The following SPTSSA variants were observed in gnomAD, a reference collection of about 807,000 sequenced individuals.
SPTSSA encodes serine palmitoyltransferase small subunit A.
A neutral mutation model predicts 9.1 loss-of-function variants in SPTSSA; 8 were observed. The observed-to-expected ratio is 0.88, with a 90% CI of 0.51 to 1.58. The LOEUF (loss-of-function observed/expected upper bound fraction) is 1.58, where lower values mean the gene tolerates loss of function less well. SPTSSA is among the 40% of genes most tolerant of loss of function. The pLI, the probability that SPTSSA is intolerant of heterozygous loss-of-function variation, is 0.00. For missense variants in SPTSSA, 100 were observed against 93.8 expected (o/e 1.07, Z -0.27); for synonymous variants, 42 against 37.7 (o/e 1.11, Z -0.41).
At chr14:34,451,550 C>T (rs565318634) in intron 1 of SPTSSA, among the ~76,000 whole-genome samples, 32 of 151,870 alleles carry the variant, frequency 2.1e-4, no homozygotes, top group African/African-American at 6.8e-4. Flanking sequence ...GGTGAAACCC[C>T]GTCTCTACTA....
In SPTSSA at chr14:34,435,436, A is replaced by G. The variant is rs1883225048; in HGVS notation, c.113-132T>C. On this transcript the variant is annotated intron_variant, in intron 1 of 1. Transcript: ENST00000298130. ...TCTCATTTATATCAAGCACTGATAA[A>G]AAAAACAACAAGAATGATAATACTA... 7 of 556,412 alleles carry G rather than the reference A, an allele frequency of 1.3e-5. No homozygotes were observed. The South Asian group carries it at 1.7e-4, about 13-fold the overall frequency. The allele number at this position is 556,412 out of a possible 1,614,324, so 34.5% of individuals were successfully genotyped here.
intron 1 of SPTSSA, among the ~76,000 whole-genome samples, chr14:34,442,487 G>A (rs1196621440): frequency 6.6e-6 from 1 of 152,214 alleles, no homozygotes; most frequent in Non-Finnish European, 1.5e-5. Flanking sequence ...GACCCCACAG[G>A]AGGTTGCTCC....
chr14:34,434,189 T>C lies in SPTSSA; in HGVS notation c.*1012A>G, dbSNP rs1288667934. 1 of 152,406 alleles carries C rather than the reference T, an allele frequency of 6.6e-6. No homozygotes were observed. Among genetic ancestry groups the C allele is most frequent in the African/African-American group, 2.4e-5 (1 of 41,398 alleles). 9.4% of individuals were successfully genotyped at this position (152,406 alleles called of 1,614,324 possible). On this transcript the variant is annotated 3_prime_UTR_variant, in exon 2 of 2. Coordinates refer to ENST00000298130, the MANE Select transcript of SPTSSA (RefSeq NM_138288.4). ...ATTTTTTTTCTCTTTGAATTTAATG[T>C]ATTTACATCAAAAAATTAGGTAGTC... is the stretch of plus-strand genomic sequence containing the variant.
intron 1 of SPTSSA, among the ~76,000 whole-genome samples, chr14:34,450,053 GCTCT>G (rs1224325902): frequency 6.6e-5 from 10 of 152,252 alleles, no homozygotes; most frequent in East Asian, 3.9e-4. Flanking sequence ...TGTGTCAAAA[GCTCT>G]CTAACACTAG....
At chr14:34,456,875 G>C (rs1442544225) in intron 1 of SPTSSA, among the ~76,000 whole-genome samples, 5 of 149,226 alleles carry the variant, frequency 3.4e-5, no homozygotes, top group Non-Finnish European at 7.4e-5. Flanking sequence ...CTCCAGCCTG[G>C]GCAACACAGC....
intron 1 of SPTSSA, among the ~76,000 whole-genome samples, chr14:34,451,431 A>G (rs1410215642): frequency 3.3e-5 from 5 of 152,184 alleles, no homozygotes; most frequent in African/African-American, 1.2e-4. Flanking sequence ...TCTTTTGTAA[A>G]ATCAATTCTA....
chr14:34,462,110 T>C lies in SPTSSA; in HGVS notation c.98A>G (p.Glu33Gly). 1 of 1,507,808 alleles carries C rather than the reference T, an allele frequency of 6.6e-7. No individual in the cohort carries two copies. Among genetic ancestry groups the C allele is most frequent in the Non-Finnish European group, 8.9e-7 (1 of 1,123,246 alleles). The allele number at this position is 1,507,808 out of a possible 1,614,324, so 93.4% of individuals were successfully genotyped here. A position where few individuals can be genotyped will look rare whatever the true frequency, so the allele number is the denominator to read the frequency against. The change falls in exon 1 of 2, where the codon GAG becomes GGG. Residue 33 changes from glutamate (E) to glycine (G), a missense_variant. Transcript: ENST00000298130. ...VTALYMLEPWERTVFNSMLVS... is the reference protein window; with the variant it reads ...VTALYMLEPWGRTVFNSMLVS... ...GGACAGGATACTGAACACCGTCCGCTCCCAGGGCTCCAGCATGTAGAGCGC... is the reference window on the plus strand; with the variant it reads ...GGACAGGATACTGAACACCGTCCGCCCCCAGGGCTCCAGCATGTAGAGCGC...
chr14:34,450,084 A>G (rs1883493559), intron 1 of SPTSSA, among the ~76,000 whole-genome samples: 1 of 152,212 alleles, frequency 6.6e-6, no homozygotes, highest in African/African-American at 2.4e-5. Context: ...TATCAATAAA[A>G]TGTGGACACA....
intron 1 of SPTSSA, among the ~76,000 whole-genome samples, chr14:34,460,609 T>G (rs1394077527): frequency 2.0e-5 from 3 of 152,184 alleles, no homozygotes; most frequent in South Asian, 2.1e-4. Flanking sequence ...ATTCTAATAG[T>G]GCACTCTACA....
At chr14:34,454,189 G>T (rs1331534939) in intron 1 of SPTSSA, among the ~76,000 whole-genome samples, 2 of 150,914 alleles carry the variant, frequency 1.3e-5, no homozygotes, top group African/African-American at 4.9e-5. Flanking sequence ...TGTTTTAGGG[G>T]GAAAAAAAAA....
chr14:34,450,091 C>T (rs1883493723), intron 1 of SPTSSA, among the ~76,000 whole-genome samples: 1 of 152,184 alleles, frequency 6.6e-6, no homozygotes, highest in Non-Finnish European at 1.5e-5. Flanking sequence ...AAAATGTGGA[C>T]ACACATCACC....
chr14:34,439,666 C>A (rs1359653111), intron 1 of SPTSSA, among the ~76,000 whole-genome samples: 1 of 152,124 alleles, frequency 6.6e-6, no homozygotes, highest in Non-Finnish European at 1.5e-5. Flanking sequence ...CCATACTGCT[C>A]TGGCTTTGCT....
At chr14:34,442,269 AT>A (rs1182669351) in intron 1 of SPTSSA, among the ~76,000 whole-genome samples, 1 of 152,056 alleles carries the variant, frequency 6.6e-6, no homozygotes, top group African/African-American at 2.4e-5. Flanking sequence ...AAACTCACCC[AT>A]TTTTCAGGGG....
At chr14:34,452,399 T>C (rs1410324796) in intron 1 of SPTSSA, among the ~76,000 whole-genome samples, 1 of 152,246 alleles carries the variant, frequency 6.6e-6, no homozygotes, top group African/African-American at 2.4e-5. Flanking sequence ...ACCAATTTGA[T>C]ATTCAAGGGT....
intron 1 of SPTSSA, among the ~76,000 whole-genome samples, chr14:34,459,443 AGCG>A (rs1878566341): frequency 6.8e-6 from 1 of 146,872 alleles, no homozygotes; most frequent in African/African-American, 2.6e-5. Flanking sequence ...TCGGCAACAG[AGCG>A]AGACACCGTC....
Position 34,441,112 on chromosome 14 carries a change from C to A in SPTSSA, c.113-5808G>T, listed in dbSNP as rs1883310117. Among the ~76,000 whole-genome samples the A allele has an allele frequency of 2.6e-5, 4 of 152,240 alleles. No homozygotes were observed. In the South Asian group the frequency reaches 8.3e-4, roughly 32 times the overall value. ...CATGGGTAACAGAGTGAGACCCTGT[C>A]TCCCAAAAAAAGAGAATGTTGCCAG... On this transcript the variant is annotated intron_variant, in intron 1 of 1. Coordinates refer to ENST00000298130, the MANE Select transcript of SPTSSA (RefSeq NM_138288.4).
At chr14:34,449,503 C>CTTTTTTTT (rs35238717) in intron 1 of SPTSSA, among the ~76,000 whole-genome samples, 1 of 123,718 alleles carries the variant, frequency 8.1e-6, no homozygotes. Flanking sequence ...CCCGGCCTCC[C>CTTTTTTTT]TTTTTTTTTT....
chr14:34,438,757 C>T (rs1404549756), intron 1 of SPTSSA, among the ~76,000 whole-genome samples: 2 of 152,156 alleles, frequency 1.3e-5, no homozygotes, highest in Non-Finnish European at 2.9e-5. Flanking sequence ...CTCACCTCCC[C>T]AACCTTAATC....
chr14:34,444,824 A>T (rs1594620304), intron 1 of SPTSSA, among the ~76,000 whole-genome samples: 3 of 152,100 alleles, frequency 2.0e-5, no homozygotes, highest in African/African-American at 7.2e-5. Flanking sequence ...GTCAGGCACG[A>T]TGGCTCATGC....
Sources: allele counts gnomAD v4.1 joint callset (sites outside exome capture counted in the v4.1 genomes callset), GRCh38; gene constraint gnomAD v4.1.1; transcripts MANE v1.5; gene names NCBI Gene and HGNC (gene_info 2026-07-23, HGNC 2026-07-21).